Variants in CAST observed in about 807,000 individuals in gnomAD.
CAST encodes the protein MIR583 host.
Under a neutral mutation model 119.6 loss-of-function variants are expected in CAST, and 76 were observed. That is an observed-to-expected ratio of 0.64 (90% CI 0.53 to 0.77). The LOEUF (loss-of-function observed/expected upper bound fraction) is 0.77. Ranked by LOEUF, CAST falls within the 30% of genes least tolerant of loss-of-function variation. The probability of loss-of-function intolerance (pLI) is 0.00; values close to 1 mark genes in which losing one functional copy is unlikely to be tolerated. For synonymous variants in CAST, 319 were observed against 331.6 expected (o/e 0.96, Z 0.41); for missense variants, 953 against 946.5 (o/e 1.01, Z -0.09).
chr5:96,020,539 A>G, the CAST span, among the ~76,000 whole-genome samples: 1 of 152,230 alleles, frequency 6.6e-6, no homozygotes, highest in Admixed American at 6.5e-5. Flanking sequence ...TTGTCAGATC[A>G]GCAGCTGCAT....
At chr5:96,760,591 T>C (rs1389169923) in intron 24 of CAST, among the ~76,000 whole-genome samples, 1 of 151,886 alleles carries the variant, frequency 6.6e-6, no homozygotes, top group African/African-American at 2.4e-5. Flanking sequence ...CATTTGAATA[T>C]ATTTGTGGAT....
chr5:96,144,019 T>C, the CAST span, among the ~76,000 whole-genome samples: 1 of 152,182 alleles, frequency 6.6e-6, no homozygotes, highest in Non-Finnish European at 1.5e-5. Context: ...CTGAGAATTA[T>C]AGCAAGAAAA....
chr5:96,333,323 T>C, the CAST span, among the ~76,000 whole-genome samples: 1 of 151,996 alleles, frequency 6.6e-6, no homozygotes, highest in African/African-American at 2.4e-5. Context: ...TGAGGAGCTC[T>C]ATGTTTGGAA....
At chr5:96,284,083 T>C in the CAST span, among the ~76,000 whole-genome samples, 15 of 152,240 alleles carry the variant, frequency 9.9e-5, no homozygotes, top group African/African-American at 3.4e-4. Flanking sequence ...GCTCACCTTC[T>C]GCAACTGTTC....
the CAST span, among the ~76,000 whole-genome samples, chr5:96,001,986 C>CATAGGCAGTTTCTCTTCTTGGCA: frequency 5.9e-5 from 9 of 152,198 alleles, no homozygotes; most frequent in African/African-American, 2.2e-4. Context: ...CCTCTGCATA[C>CATAGGCAGTTTCTCTTCTTGGCA]ATAGGCAGTT....
At chr5:96,528,974 T>C (rs994753042), upstream of CAST, among the ~76,000 whole-genome samples, 2 of 152,252 alleles carry the variant, frequency 1.3e-5, no homozygotes, top group Admixed American at 6.5e-5. Flanking sequence ...ACAATTGACA[T>C]AAACCTGGTG....
the CAST span, among the ~76,000 whole-genome samples, chr5:96,464,610 C>T: frequency 6.6e-6 from 1 of 152,008 alleles, no homozygotes; most frequent in Non-Finnish European, 1.5e-5. Context: ...CATTTAATAC[C>T]CACAAATCAA....
chr5:96,276,295 A>T, the CAST span, among the ~76,000 whole-genome samples: 1 of 152,200 alleles, frequency 6.6e-6, no homozygotes, highest in Admixed American at 6.5e-5. Context: ...ATATGTTGAT[A>T]TTGGGCCTCT....
the CAST span, among the ~76,000 whole-genome samples, chr5:96,312,854 C>T: frequency 1.3e-5 from 2 of 151,998 alleles, no homozygotes; most frequent in African/African-American, 4.8e-5. Flanking sequence ...TCATCTAAAC[C>T]ATAAAACATA....
At chr5:96,543,795 A>G (rs949895607) in intron 1 of CAST, among the ~76,000 whole-genome samples, 5 of 152,218 alleles carry the variant, frequency 3.3e-5, no homozygotes, top group Admixed American at 1.3e-4. Context: ...AATTGTTTCA[A>G]TACCACTTGT....
At chr5:96,120,826 C>T in the CAST span, among the ~76,000 whole-genome samples, 1 of 151,472 alleles carries the variant, frequency 6.6e-6, no homozygotes, top group East Asian at 1.9e-4. Context: ...TGCTGGTCCT[C>T]CTGGCCAGGC....
the CAST span, chr5:96,421,964 G>T: frequency 6.1e-6 from 4 of 658,168 alleles, no homozygotes; most frequent in South Asian, 2.3e-5. Flanking sequence ...ATCCTAAAGA[G>T]ACAACAAAAT....
chr5:96,737,412 G>GT (rs1342018093), intron 10 of CAST, among the ~76,000 whole-genome samples: 2 of 152,118 alleles, frequency 1.3e-5, no homozygotes, highest in Non-Finnish European at 2.9e-5. Context: ...ATTTTTAGGG[G>GT]TTCTTTGTTT....
At chr5:96,700,967 C>G (rs191365162) in intron 3 of CAST, among the ~76,000 whole-genome samples, 1 of 151,748 alleles carries the variant, frequency 6.6e-6, no homozygotes, top group Non-Finnish European at 1.5e-5. Flanking sequence ...CTCACTATTG[C>G]CCAGGCAGGA....
chr5:96,250,235 G>C, the CAST span, among the ~76,000 whole-genome samples: 1 of 152,062 alleles, frequency 6.6e-6, no homozygotes, highest in Non-Finnish European at 1.5e-5. Context: ...CCAAACTAAA[G>C]GCTTTATATA....
At chr5:96,229,942 A>G in the CAST span, among the ~76,000 whole-genome samples, 2 of 151,996 alleles carry the variant, frequency 1.3e-5, no homozygotes, top group African/African-American at 4.8e-5. Flanking sequence ...TCCTTCTCCC[A>G]CCTGGACGCA....
intron 1 of CAST, among the ~76,000 whole-genome samples, chr5:96,610,698 G>A (rs963947352): frequency 2.6e-5 from 4 of 152,022 alleles, no homozygotes; most frequent in African/African-American, 9.7e-5. Context: ...GAAAGAAAAG[G>A]CACCCAAATA....
chr5:96,626,018 C>A (rs1420560607), intron 1 of CAST, among the ~76,000 whole-genome samples: 3 of 152,196 alleles, frequency 2.0e-5, no homozygotes, highest in Admixed American at 1.3e-4. Flanking sequence ...GCATTGTAGT[C>A]TGAAGGCCGT....
chr5:96,118,366 G>C, the CAST span, among the ~76,000 whole-genome samples: 6 of 152,116 alleles, frequency 3.9e-5, no homozygotes, highest in African/African-American at 1.4e-4. Flanking sequence ...TGAGTAAGTG[G>C]ATAAGCCATG....
Sources: allele counts gnomAD v4.1 joint callset (sites outside exome capture counted in the v4.1 genomes callset), GRCh38; gene constraint gnomAD v4.1.1; transcripts MANE v1.5; gene names NCBI Gene and HGNC (gene_info 2026-07-23, HGNC 2026-07-21).